The following PACSIN2 variants were observed in gnomAD, a reference collection of about 807,000 sequenced individuals.
The protein encoded by PACSIN2 is protein kinase C and casein kinase substrate in neurons protein 2.
A neutral mutation model predicts 63.8 loss-of-function variants in PACSIN2; 25 were observed. The observed-to-expected ratio is 0.39, with a 90% CI of 0.29 to 0.55. PACSIN2 has a LOEUF of 0.55. Among genes scored for constraint, PACSIN2 ranks in the 20% least tolerant of loss-of-function variants. The probability of loss-of-function intolerance (pLI) is 0.62; values close to 1 mark genes in which losing one functional copy is unlikely to be tolerated. For synonymous variants in PACSIN2, 255 were observed against 256.2 expected (o/e 1.00, Z 0.05); for missense variants, 518 against 646.9 (o/e 0.80, Z 2.16).
At chr22:42,895,849 C>T (rs1602201410) in intron 2 of PACSIN2, among the ~76,000 whole-genome samples, 3 of 152,226 alleles carry the variant, frequency 2.0e-5, no homozygotes, top group Non-Finnish European at 4.4e-5. Flanking sequence ...CCAGCAACAT[C>T]GGCCCTGCTG....
chr22:42,996,708 A>T (rs926032346), intron 1 of PACSIN2, among the ~76,000 whole-genome samples: 1 of 152,046 alleles, frequency 6.6e-6, no homozygotes, highest in Non-Finnish European at 1.5e-5. Context: ...GGGGAAAAAA[A>T]GCAGAGAATA....
intron 1 of PACSIN2, among the ~76,000 whole-genome samples, chr22:42,981,507 G>A (rs1292990899): frequency 1.3e-5 from 1 of 75,916 alleles, no homozygotes; most frequent in African/African-American, 6.7e-5. Flanking sequence ...CAGCCGCCCC[G>A]TCCGGGAGGG....
rs762256300 is a variant in PACSIN2 at position 43,009,863 on chromosome 22, C to CTTTTTTTTTTTTTTTTTTTTT, written c.-78+5157_-78+5158insAAAAAAAAAAAAAAAAAAAAA. On this transcript the variant is annotated intron_variant, in intron 1 of 10. Transcript: ENST00000263246. ...TAGTTGAGACATCATTTTATTTTTT[C>CTTTTTTTTTTTTTTTTTTTTT]TATTTTTTTTTTTTTTTTTTTTTGA... Among the ~76,000 whole-genome samples, 2 of 131,814 alleles carry CTTTTTTTTTTTTTTTTTTTTT rather than the reference C, an allele frequency of 1.5e-5. 1 individual carries two copies. Among genetic ancestry groups the CTTTTTTTTTTTTTTTTTTTTT allele is most frequent in the Non-Finnish European group, 3.2e-5 (2 of 63,124 alleles). The allele number at this position is 131,814 out of a possible 152,430, so 86.5% of individuals were successfully genotyped here.
intron 1 of PACSIN2, among the ~76,000 whole-genome samples, chr22:42,985,577 CCT>C (rs1041439181): frequency 2.6e-5 from 4 of 152,316 alleles, no homozygotes; most frequent in African/African-American, 7.2e-5. Flanking sequence ...TCGGCCAACC[CCT>C]GAGAAGGACC....
chr22:42,905,692 G>A (rs1187756634), intron 2 of PACSIN2, among the ~76,000 whole-genome samples: 1 of 152,270 alleles, frequency 6.6e-6, no homozygotes, highest in Non-Finnish European at 1.5e-5. Flanking sequence ...CAAAGGGCAT[G>A]AAAGAGCTGA....
intron 5 of PACSIN2, among the ~76,000 whole-genome samples, chr22:42,887,312 A>G (rs1415456188): frequency 6.6e-6 from 1 of 152,186 alleles, no homozygotes; most frequent in Non-Finnish European, 1.5e-5. Flanking sequence ...GGAACAGTGG[A>G]GAAAGGGCAT....
At chr22:42,888,549 C>T in intron 5 of PACSIN2, 94 bp downstream of exon 5, 1 of 1,237,976 alleles carries the variant, frequency 8.1e-7, no homozygotes, top group South Asian at 1.3e-5. Flanking sequence ...CTCTATCCAC[C>T]CATTCACCCA....
chr22:42,934,185 T>C (rs1363456156), intron 1 of PACSIN2, among the ~76,000 whole-genome samples: 1 of 152,216 alleles, frequency 6.6e-6, no homozygotes, highest in African/African-American at 2.4e-5. Context: ...GATGGGAGTA[T>C]GGAAACGTGC....
intron 1 of PACSIN2, among the ~76,000 whole-genome samples, chr22:42,937,505 C>G (rs537647176): frequency 9.8e-5 from 15 of 152,332 alleles, no homozygotes; most frequent in Non-Finnish European, 2.1e-4. Context: ...AAGTCCACCT[C>G]TGAGCCCCTG....
intron 1 of PACSIN2, among the ~76,000 whole-genome samples, chr22:42,971,654 G>A (rs1032725855): frequency 7.9e-5 from 12 of 152,126 alleles, no homozygotes; most frequent in East Asian, 1.9e-4. Flanking sequence ...GTCTCTGCCC[G>A]GCCGCCCATC....
intron 1 of PACSIN2, among the ~76,000 whole-genome samples, chr22:43,012,594 C>T (rs897555828): frequency 5.9e-5 from 9 of 152,204 alleles, no homozygotes; most frequent in African/African-American, 2.2e-4. Context: ...AATTATCATG[C>T]CACAGCCTCC....
chr22:42,950,711 G>A (rs917862800), intron 1 of PACSIN2, among the ~76,000 whole-genome samples: 3 of 152,204 alleles, frequency 2.0e-5, no homozygotes, highest in Non-Finnish European at 4.4e-5. Flanking sequence ...ATATGTTTAA[G>A]AGTGGGTAAT....
chr22:42,922,759 G>T (rs2092211), intron 1 of PACSIN2, among the ~76,000 whole-genome samples: 100,880 of 152,122 alleles, frequency 0.66, 35,451 homozygotes, highest in African/African-American at 0.88. Context: ...CTTCTAAGCT[G>T]GGGGAGGGGC....
In PACSIN2 at chr22:42,891,154, G is replaced by A; in HGVS notation, c.246C>T (p.Ala82=). The A allele has an allele frequency of 6.2e-7, 1 of 1,613,850 alleles. No individual in the cohort carries two copies. Among genetic ancestry groups the A allele is most frequent in the East Asian group, 2.2e-5 (1 of 44,886 alleles). Residue 82 remains alanine, a synonymous_variant, in exon 4 of 11, where the codon GCC becomes GCT. Coordinates refer to ENST00000263246, the MANE Select transcript of PACSIN2 (RefSeq NM_001184970.3). ...KGPQYGTVEK[A]WMAFMSEAER... Reference sequence around the variant, plus strand: ...CTGCCTCGGACATGAAGGCCATCCAGGCCTTCTCCACGGTCCCGTACTGGG... The same window carrying A: ...CTGCCTCGGACATGAAGGCCATCCAAGCCTTCTCCACGGTCCCGTACTGGG...
chr22:42,927,646 G>A (rs1410033284), intron 1 of PACSIN2, among the ~76,000 whole-genome samples: 1 of 151,988 alleles, frequency 6.6e-6, no homozygotes, highest in Non-Finnish European at 1.5e-5. Flanking sequence ...GGAGTGCAAT[G>A]GCGTGATCTT....
intron 7 of PACSIN2, 66 bp from the exon 8 acceptor site, chr22:42,879,235 T>G: frequency 6.4e-7 from 1 of 1,560,952 alleles, no homozygotes; most frequent in Non-Finnish European, 8.7e-7. Context: ...ACGTCTGTCC[T>G]CAGTTCCTGC....
chr22:42,878,050 T>C (rs945652829), intron 8 of PACSIN2, among the ~76,000 whole-genome samples: 1 of 152,208 alleles, frequency 6.6e-6, no homozygotes, highest in Non-Finnish European at 1.5e-5. Flanking sequence ...AGGCCACATG[T>C]CTGAGCTCAC....
At chr22:42,959,648 G>T (rs756080806) in intron 1 of PACSIN2, 2 of 152,208 alleles carry the variant, frequency 1.3e-5, no homozygotes, top group Non-Finnish European at 2.9e-5. Flanking sequence ...GAACATTGCC[G>T]TCACGGAGCT....
intron 1 of PACSIN2, among the ~76,000 whole-genome samples, chr22:42,969,133 T>C (rs1921052762): frequency 6.6e-6 from 1 of 152,182 alleles, no homozygotes; most frequent in South Asian, 2.1e-4. Context: ...TCTAGGCAAG[T>C]GTTACATAAA....
Sources: gnomAD v4.1 joint callset for allele counts (sites outside exome capture counted in the v4.1 genomes callset) on GRCh38, gnomAD v4.1.1 for gene constraint, MANE v1.5 for transcripts, NCBI Gene and HGNC (gene_info 2026-07-23, HGNC 2026-07-21) for gene names.